The following PLOD2 variants were observed in gnomAD, a reference collection of about 807,000 sequenced individuals.
The protein encoded by PLOD2 is lysine hydroxylase 2.
Under a neutral mutation model 101.0 loss-of-function variants are expected in PLOD2, and 65 were observed. The observed-to-expected ratio is 0.64, with a 90% CI of 0.53 to 0.79. The LOEUF (loss-of-function observed/expected upper bound fraction) is 0.79, where lower values mean the gene tolerates loss of function less well. Ranked by LOEUF, PLOD2 falls within the 30% of genes least tolerant of loss-of-function variation. PLOD2 has a pLI of 0.00. For missense variants in PLOD2, 909 were observed against 914.6 expected (o/e 0.99, Z 0.08); for synonymous variants, 314 against 302.9 (o/e 1.04, Z -0.38).
rs5853264 is a variant in PLOD2 at position 146,099,880 on chromosome 3, C to CTT, written c.777+2873_777+2874dup. ...GCCTAGGGAAAGTTACAGTGACCAA[C>CTT]TTTTTTTTTTTTTTTTTTTGAGACA... On this transcript the variant is annotated intron_variant, in intron 7 of 19. Transcript: ENST00000282903. Among the ~76,000 whole-genome samples the CTT allele has an allele frequency of 6.9e-3, 896 of 129,234 alleles. 14 individuals carry two copies. The highest frequency in any genetic ancestry group is 0.019 in the African/African-American group (659 of 34,336). 84.8% of individuals were successfully genotyped at this position (129,234 alleles called of 152,430 possible). A position where few individuals can be genotyped will look rare whatever the true frequency, so the allele number is the denominator to read the frequency against.
intron 7 of PLOD2, among the ~76,000 whole-genome samples, chr3:146,095,051 A>T (rs1937102127): frequency 6.6e-6 from 1 of 151,946 alleles, no homozygotes. Flanking sequence ...TCTTCCTCAC[A>T]CCTTATAAAA....
intron 3 of PLOD2, among the ~76,000 whole-genome samples, chr3:146,117,342 G>A (rs1260095652): frequency 6.6e-6 from 1 of 152,064 alleles, no homozygotes; most frequent in Non-Finnish European, 1.5e-5. Flanking sequence ...TTAATTAAGA[G>A]TTTAGGAATT....
chr3:146,149,157 C>T (rs753925537), intron 1 of PLOD2, among the ~76,000 whole-genome samples: 28 of 152,172 alleles, frequency 1.8e-4, no homozygotes, highest in Non-Finnish European at 3.8e-4. Context: ...TTGTACCACA[C>T]TTAAAAGCAA....
At chr3:146,094,512 G>C (rs1025773745) in intron 7 of PLOD2, among the ~76,000 whole-genome samples, 1 of 152,022 alleles carries the variant, frequency 6.6e-6, no homozygotes, top group African/African-American at 2.4e-5. Flanking sequence ...AAATACCTAG[G>C]AATACAACAT....
chr3:146,072,028 T>A (rs1486099289), intron 17 of PLOD2, among the ~76,000 whole-genome samples: 2 of 151,774 alleles, frequency 1.3e-5, no homozygotes, highest in African/African-American at 4.8e-5. Context: ...ATGGCATGTC[T>A]GTTCTCAGAG....
At chr3:146,159,663 A>C (rs941877980) in intron 1 of PLOD2, among the ~76,000 whole-genome samples, 3 of 152,326 alleles carry the variant, frequency 2.0e-5, no homozygotes, top group African/African-American at 7.2e-5. Flanking sequence ...AAATTATGCA[A>C]AAGTTTAGTT....
chr3:146,117,490 A>G (rs1937965574), intron 3 of PLOD2, among the ~76,000 whole-genome samples: 2 of 152,146 alleles, frequency 1.3e-5, no homozygotes, highest in African/African-American at 2.4e-5. Flanking sequence ...TTAAAAAATA[A>G]GAAGGGTAAA....
chr3:146,154,221 A>G (rs2032196314), intron 1 of PLOD2, among the ~76,000 whole-genome samples: 1 of 152,220 alleles, frequency 6.6e-6, no homozygotes, highest in South Asian at 2.1e-4. Context: ...TTAAAAGTCT[A>G]TTGAGTATAT....
chr3:146,084,211 T>A (rs1044578190), intron 11 of PLOD2, among the ~76,000 whole-genome samples: 1 of 152,112 alleles, frequency 6.6e-6, no homozygotes, highest in Non-Finnish European at 1.5e-5. Flanking sequence ...CTCATTCATA[T>A]GCTTTGGAAA....
In PLOD2 at chr3:146,129,408, A is replaced by C. The variant is rs78181713; in HGVS notation, c.110-5179T>G. Among the ~76,000 whole-genome samples the C allele has an allele frequency of 1.9e-4, 29 of 152,296 alleles. 1 individual carries two copies. The East Asian group carries it at 5.0e-3, about 26-fold the overall frequency. ...TTGGCCTAAGGGTCATAAGTTTGCT[A>C]CTTATCCATATAGTTGGCCATATGG... is the stretch of plus-strand genomic sequence containing the variant. On this transcript the variant is annotated intron_variant, in intron 1 of 19. Transcript: ENST00000282903.
At chr3:146,133,333 C>T (rs551270808) in intron 1 of PLOD2, among the ~76,000 whole-genome samples, 1 of 152,254 alleles carries the variant, frequency 6.6e-6, no homozygotes, top group Non-Finnish European at 1.5e-5. Context: ...AATAAATTTA[C>T]ATTCTCACAA....
intron 1 of PLOD2, among the ~76,000 whole-genome samples, chr3:146,127,660 G>A (rs2030651201): frequency 6.6e-6 from 1 of 152,010 alleles, no homozygotes; most frequent in East Asian, 1.9e-4. Context: ...TCTTTTTTAT[G>A]TAATGACTTC....
intron 4 of PLOD2, among the ~76,000 whole-genome samples, chr3:146,107,397 G>T (rs983096191): frequency 8.5e-5 from 13 of 152,110 alleles, no homozygotes; most frequent in Admixed American, 1.3e-4. Flanking sequence ...TGGAAATGCA[G>T]CCAAGCTGCT....
At chr3:146,082,288 G>A (rs551185531) in intron 11 of PLOD2, among the ~76,000 whole-genome samples, 1 of 152,274 alleles carries the variant, frequency 6.6e-6, no homozygotes, top group Admixed American at 6.5e-5. Flanking sequence ...GTGCATTTAA[G>A]ATATTCAATG....
intron 8 of PLOD2, 51 bp downstream of exon 8, chr3:146,091,749 T>C: frequency 3.9e-6 from 4 of 1,020,910 alleles, no homozygotes; most frequent in Non-Finnish European, 6.2e-6. Flanking sequence ...CAGTATTTCA[T>C]GACAATGTAC....
At position 146,110,461 on chromosome 3, in the gene PLOD2, G is replaced by GA. The variant is rs757832994; in HGVS notation, c.339-14dup. The GA allele has an allele frequency of 5.7e-6, 9 of 1,577,366 alleles. No individual in the cohort carries two copies. The highest frequency in any genetic ancestry group is 2.8e-5 in the African/African-American group (2 of 70,396). Reference sequence around the variant, plus strand: ...TATGACATCAAAGCTGTTCAATGAGGAAAAAATGTGTTTTAAAATACACTT... The same window carrying GA: ...TATGACATCAAAGCTGTTCAATGAGGAAAAAAATGTGTTTTAAAATACACTT... On this transcript the variant is annotated splice_polypyrimidine_tract_variant and intron_variant, in intron 3 of 19. Transcript: ENST00000282903.
At chr3:146,076,922 A>G (rs749987466) in intron 14 of PLOD2, 27 bp from the exon 15 acceptor site, 3 of 1,443,932 alleles carry the variant, frequency 2.1e-6, no homozygotes, top group African/African-American at 2.8e-5. Flanking sequence ...AACAGTATTA[A>G]TCTTAGAGGT....
rs757059075 is a variant in PLOD2, at chr3:146,071,161, C to T, written c.2002G>A (p.Ala668Thr). 17 of 1,611,068 alleles carry T rather than the reference C, an allele frequency of 1.1e-5. No individual in the cohort carries two copies. ...TATTTTACTACAAAATTCAGTAGTG[C>T]AAATCCCTGAAAAAGCAAAGTAAGC... ...VFAGYYTKGF[A>T]LLNFVVKYSP... is the part of the protein sequence containing the mutation. Residue 668 changes from alanine to threonine, a missense_variant, in exon 19 of 20, where the codon GCA (alanine) becomes ACA (threonine). By Grantham distance (58) the Ala-to-Thr change is moderately conservative. Transcript: ENST00000282903.
intron 16 of PLOD2, 63 bp from the exon 17 acceptor site, chr3:146,072,728 G>A: frequency 2.0e-6 from 2 of 1,004,822 alleles, no homozygotes; most frequent in Non-Finnish European, 3.1e-6. Flanking sequence ...GTCTAAAATA[G>A]TTATTTTAAT....
Sources: allele counts gnomAD v4.1 joint callset (sites outside exome capture counted in the v4.1 genomes callset), GRCh38; gene constraint gnomAD v4.1.1; transcripts MANE v1.5; gene names NCBI Gene and HGNC (gene_info 2026-07-23, HGNC 2026-07-21).